The following B3GALT1 variants were observed in gnomAD, a reference collection of about 807,000 sequenced individuals.
B3GALT1 encodes the protein UDP-Gal:betaGlcNAc beta 1,3-galactosyltransferase, polypeptide 1.
B3GALT1 carries 10 observed loss-of-function variants against 23.2 expected under a neutral mutation model. That is an observed-to-expected ratio of 0.43 (90% CI 0.27 to 0.73). The LOEUF (loss-of-function observed/expected upper bound fraction) is 0.73. Ranked by LOEUF, B3GALT1 falls within the 30% of genes least tolerant of loss-of-function variation. The probability of loss-of-function intolerance (pLI) is 0.21; values close to 1 mark genes in which losing one functional copy is unlikely to be tolerated. For missense variants in B3GALT1, 299 were observed against 405.4 expected, an observed-to-expected ratio of 0.74 and a Z score of 2.25; for synonymous variants, 156 against 141.5, an observed-to-expected ratio of 1.10 and a Z score of -0.73.
At chr2:167,359,003 T>C (rs10194723) in intron 1 of B3GALT1, among the ~76,000 whole-genome samples, 4,876 of 152,210 alleles carry the variant, frequency 0.032, 238 homozygotes, top group African/African-American at 0.11. Context: ...GGTTTCACCA[T>C]GTTGGCCAGG....
chr2:167,552,201 T>C (rs73026043), intron 2 of B3GALT1, among the ~76,000 whole-genome samples: 12,769 of 152,218 alleles, frequency 0.084, 1,026 homozygotes, highest in African/African-American at 0.21. Flanking sequence ...GACCCTGCAT[T>C]GTCTCATCTG....
chr2:167,423,432 A>G (rs946597743), intron 1 of B3GALT1, among the ~76,000 whole-genome samples: 1 of 152,186 alleles, frequency 6.6e-6, no homozygotes, highest in African/African-American at 2.4e-5. Flanking sequence ...GAATCTGTGG[A>G]CTTTCTACTC....
intron 2 of B3GALT1, among the ~76,000 whole-genome samples, chr2:167,553,731 C>G (rs1298144136): frequency 1.3e-5 from 2 of 152,106 alleles, no homozygotes; most frequent in African/African-American, 4.8e-5. Context: ...AAATCTTTTT[C>G]TTGGGCACAA....
intron 3 of B3GALT1, among the ~76,000 whole-genome samples, chr2:167,755,772 A>G (rs1459847927): frequency 6.6e-6 from 1 of 151,832 alleles, no homozygotes; most frequent in African/African-American, 2.4e-5. Context: ...GTTTGAGACC[A>G]GGCTGGGCAA....
intron 2 of B3GALT1, among the ~76,000 whole-genome samples, chr2:167,564,870 T>A (rs1355873953): frequency 6.6e-6 from 1 of 152,166 alleles, no homozygotes; most frequent in Non-Finnish European, 1.5e-5. Flanking sequence ...TACAAACAAA[T>A]GGAAGAACAT....
At chr2:167,850,514 T>C (rs1393356379) in intron 4 of B3GALT1, among the ~76,000 whole-genome samples, 1 of 152,154 alleles carries the variant, frequency 6.6e-6, no homozygotes, top group East Asian at 1.9e-4. Context: ...AAAGTAGAAC[T>C]ACCATTTGAT....
chr2:167,416,639 A>G (rs964427523), intron 1 of B3GALT1, among the ~76,000 whole-genome samples: 1 of 152,148 alleles, frequency 6.6e-6, no homozygotes, highest in Admixed American at 6.5e-5. Flanking sequence ...CTGTAGAGTC[A>G]CCAGTAGCAA....
chr2:167,866,035 T>C (rs1690210911), intron 4 of B3GALT1, among the ~76,000 whole-genome samples: 2 of 151,864 alleles, frequency 1.3e-5, no homozygotes, highest in Non-Finnish European at 2.9e-5. Flanking sequence ...GTACACACCA[T>C]CCTCTCTCTC....
At chr2:167,532,167 T>C (rs923144643) in intron 2 of B3GALT1, among the ~76,000 whole-genome samples, 5 of 152,156 alleles carry the variant, frequency 3.3e-5, no homozygotes, top group Non-Finnish European at 7.4e-5. Flanking sequence ...ACTTGTGTCA[T>C]ATAATATTTT....
At chr2:167,496,845 ACT>A (rs1308973607) in intron 2 of B3GALT1, among the ~76,000 whole-genome samples, 2 of 152,010 alleles carry the variant, frequency 1.3e-5, no homozygotes, top group Admixed American at 6.6e-5. Flanking sequence ...AAACATTGAC[ACT>A]CTGTAACCCT....
chr2:167,477,615 G>A (rs369030075), intron 1 of B3GALT1, among the ~76,000 whole-genome samples: 1 of 152,122 alleles, frequency 6.6e-6, no homozygotes, highest in Non-Finnish European at 1.5e-5. Flanking sequence ...TTTTATGGGC[G>A]CTATAATGTC....
rs147332331 is a variant in B3GALT1 at position 167,843,008 on chromosome 2, G to A, written c.-230+24215G>A. On this transcript the variant is annotated intron_variant, in intron 4 of 4. Coordinates refer to ENST00000392690, the MANE Select transcript of B3GALT1 (RefSeq NM_020981.4). ...ATGTTGAAGCTGAAGAAATGATTGCGGAGCAGTGATACAGCTAGTAAATGG... is the reference window on the plus strand; with the variant it reads ...ATGTTGAAGCTGAAGAAATGATTGCAGAGCAGTGATACAGCTAGTAAATGG... 1.9e-4 allele frequency among the ~76,000 whole-genome samples: 29 copies of A among 152,244 alleles called. No homozygotes were observed. In the East Asian group the frequency reaches 3.3e-3, roughly 17 times the overall value.
chr2:167,835,251 A>C (rs1689435678), intron 4 of B3GALT1, among the ~76,000 whole-genome samples: 1 of 152,220 alleles, frequency 6.6e-6, no homozygotes, highest in African/African-American at 2.4e-5. Flanking sequence ...CAGGAAGCGC[A>C]AGGGGTCAGG....
At chr2:167,693,826 A>G (rs1337824591) in intron 3 of B3GALT1, among the ~76,000 whole-genome samples, 1 of 152,070 alleles carries the variant, frequency 6.6e-6, no homozygotes, top group Non-Finnish European at 1.5e-5. Flanking sequence ...TATTTCTTCT[A>G]CCATATCAGT....
rs115519589 is a variant in B3GALT1 at position 167,340,488 on chromosome 2, A to T, written c.-511+47154A>T. On this transcript the variant is annotated intron_variant, in intron 1 of 4. Coordinates refer to ENST00000392690, the MANE Select transcript of B3GALT1 (RefSeq NM_020981.4). ...AGAGGTAGTTCAAAAAGGACCAAAA[A>T]AATAGTTAAATTTTTGCAGTCCTTT... Among the ~76,000 whole-genome samples the T allele has an allele frequency of 9.1e-3, 1,392 of 152,236 alleles. 22 individuals carry two copies. The highest frequency in any genetic ancestry group is 0.032 in the African/African-American group (1,335 of 41,536).
intron 2 of B3GALT1, among the ~76,000 whole-genome samples, chr2:167,507,130 G>C (rs1001872315): frequency 2.0e-5 from 3 of 152,144 alleles, no homozygotes; most frequent in Non-Finnish European, 4.4e-5. Context: ...ACATTATTAA[G>C]AGAATGTGGT....
At chr2:167,799,252 A>G (rs923510477) in intron 3 of B3GALT1, among the ~76,000 whole-genome samples, 1 of 152,160 alleles carries the variant, frequency 6.6e-6, no homozygotes, top group African/African-American at 2.4e-5. Flanking sequence ...TGAATTGTAT[A>G]GTGGTGAAGT....
At chr2:167,735,188 A>G (rs1488769099) in intron 3 of B3GALT1, among the ~76,000 whole-genome samples, 1 of 152,246 alleles carries the variant, frequency 6.6e-6, no homozygotes, top group Non-Finnish European at 1.5e-5. Context: ...ACACAGAGAA[A>G]TAGCTTAGGT....
At chr2:167,777,632 G>A (rs563866962) in intron 3 of B3GALT1, among the ~76,000 whole-genome samples, 3 of 152,300 alleles carry the variant, frequency 2.0e-5, no homozygotes, top group African/African-American at 7.2e-5. Context: ...ACAGGCATGA[G>A]CCACCACACC....
Sources: allele counts gnomAD v4.1 joint callset (sites outside exome capture counted in the v4.1 genomes callset), GRCh38; gene constraint gnomAD v4.1.1; transcripts MANE v1.5; gene names NCBI Gene and HGNC (gene_info 2026-07-23, HGNC 2026-07-21).